Variants in TUBG2 observed in about 807,000 individuals in gnomAD.
The protein encoded by TUBG2 is tubulin gamma-2 chain.
TUBG2 carries 39 observed loss-of-function variants against 55.1 expected under a neutral mutation model. The ratio of observed to expected loss-of-function variants is 0.71; its 90% CI spans 0.55 to 0.93. The LOEUF (loss-of-function observed/expected upper bound fraction) is 0.93, where lower values mean the gene tolerates loss of function less well. Ranked by LOEUF, TUBG2 falls within the 40% of genes least tolerant of loss-of-function variation. The probability of loss-of-function intolerance (pLI) is 0.00; values close to 1 mark genes in which losing one functional copy is unlikely to be tolerated. For missense variants in TUBG2, 358 were observed against 599.1 expected, an observed-to-expected ratio of 0.60 and a Z score of 4.20; for synonymous variants, 223 against 241.0, an observed-to-expected ratio of 0.93 and a Z score of 0.69.
At position 42,666,913 on chromosome 17, in the gene TUBG2, C is replaced by A; in HGVS notation, c.*113C>A. 1 of 1,130,708 alleles carries A rather than the reference C, an allele frequency of 8.8e-7. No individual in the cohort carries two copies. The highest frequency in any genetic ancestry group is 1.3e-6 in the Non-Finnish European group (1 of 784,306). The allele number at this position is 1,130,708 out of a possible 1,614,324, so 70.0% of individuals were successfully genotyped here. On this transcript the variant is annotated 3_prime_UTR_variant, in exon 11 of 11. Transcript: ENST00000251412. The stretch of plus-strand genomic sequence containing the variant: ...ACAACCCTTCTTGGTTCATCTCCAG[C>A]CCGTGAGCTGGTCCTGCTTCCTCCC...
intron 4 of TUBG2, among the ~76,000 whole-genome samples, chr17:42,661,672 G>A (rs575834457): frequency 1.8e-4 from 28 of 152,356 alleles, no homozygotes; most frequent in South Asian, 1.0e-3. Context: ...CCTATGCGCC[G>A]GACCCTTCTA....
rs192796855 is a variant in TUBG2, at chr17:42,659,919, T to A, written c.135T>A (p.Thr45=). The A allele has an allele frequency of 7.3e-5, 118 of 1,612,008 alleles. No homozygotes were observed. The highest frequency in any genetic ancestry group is 3.7e-4 in the Admixed American group (22 of 59,878). ...TGGAGGAATTCGCCACCGAGGGCAC[T>A]GACCGCAAGGACGTCTTTTTCTACC... ...GIVEEFATEG[T]DRKDVFFYQA... The change falls in exon 2 of 11, where the codon ACT becomes ACA. Residue 45 remains threonine, a synonymous_variant. Transcript: ENST00000251412.
Position 42,659,473 on chromosome 17 carries a change from C to A in TUBG2, c.-31C>A, listed in dbSNP as rs1446478570. ...CGTCTCAGCCGTGACTCTCGCCAGG[C>A]CGGGGCTGGCGCGCCCACGTCTGAA... On this transcript the variant is annotated 5_prime_UTR_variant, in exon 1 of 11. Transcript: ENST00000251412. 3 of 1,543,122 alleles carry A rather than the reference C, an allele frequency of 1.9e-6. No individual in the cohort carries two copies. The highest frequency in any genetic ancestry group is 2.0e-5 in the Admixed American group (1 of 49,772).
At position 42,664,763 on chromosome 17, in the gene TUBG2, C is replaced by T. The variant is rs193014480; in HGVS notation, c.607-713C>T. ...AGTGTATGGCACATGTGGGTACTCA[C>T]GTGTTTGTTTACTGCCCTGCGTAGT... On this transcript the variant is annotated intron_variant, in intron 6 of 10. Coordinates refer to ENST00000251412, the MANE Select transcript of TUBG2 (RefSeq NM_016437.3). Among the ~76,000 whole-genome samples the T allele has an allele frequency of 1.2e-3, 181 of 151,602 alleles. 3 individuals carry two copies. Among genetic ancestry groups the T allele is most frequent in the Admixed American group, 0.012 (178 of 15,250 alleles).
intron 1 of TUBG2, 49 bp from the exon 2 acceptor site, chr17:42,659,785 C>T (rs1031875541): frequency 6.2e-7 from 1 of 1,610,816 alleles, no homozygotes; most frequent in Non-Finnish European, 8.5e-7. Context: ...AACTGGGCTC[C>T]TCAGGCCTTA....
Position 42,666,210 on chromosome 17 carries a change from A to G in TUBG2, c.967A>G (p.Ile323Val). 1 of 1,613,812 alleles carries G rather than the reference A, an allele frequency of 6.2e-7. No individual in the cohort carries two copies. Among genetic ancestry groups the G allele is most frequent in the Non-Finnish European group, 8.5e-7 (1 of 1,179,826 alleles). Residue 323 changes from isoleucine (I) to valine (V), a missense_variant, in exon 9 of 11, where the codon ATC (isoleucine) becomes GTC (valine). Physicochemically the swap from Ile to Val is conservative, Grantham distance 29. Around this residue, in one of 8 missense-constraint regions of TUBG2, gnomAD observed 129 missense variants for 251.6 expected, o/e 0.51. Transcript: ENST00000251412. ...TNHCYIAILN[I>V]IQGEVDPTQV... is the part of the protein sequence containing the mutation. ...CCACTGCTACATCGCCATCCTCAAC[A>G]TCATCCAGGGAGAGGTGGACCCCAC...
At position 42,665,746 on chromosome 17, in the gene TUBG2, C is replaced by G; in HGVS notation, c.762C>G (p.Ile254Met). The G allele has an allele frequency of 6.2e-7, 1 of 1,614,210 alleles. No individual in the cohort carries two copies. Among genetic ancestry groups the G allele is most frequent in the Non-Finnish European group, 8.5e-7 (1 of 1,180,028 alleles). ...RYPGYMNNDL[I>M]GLIASLIPTP... The stretch of plus-strand genomic sequence containing the variant: ...CCGGCTACATGAACAATGACCTCAT[C>G]GGCCTCATCGCCTCGCTCATTCCCA... Residue 254 changes from isoleucine to methionine, a missense_variant, in exon 8 of 11, where the codon ATC (isoleucine) becomes ATG (methionine). Physicochemically the swap from Ile to Met is conservative, Grantham distance 10. Coordinates refer to ENST00000251412, the MANE Select transcript of TUBG2 (RefSeq NM_016437.3).
chr17:42,664,339 A>G (rs73983740), intron 6 of TUBG2, among the ~76,000 whole-genome samples: 3,905 of 150,836 alleles, frequency 0.026, 158 homozygotes, highest in African/African-American at 0.084. Flanking sequence ...AGTCTCATTC[A>G]CCCCACCTTT....
At position 42,663,494 on chromosome 17, in the gene TUBG2, A is replaced by G. The variant is rs764850029; in HGVS notation, c.597A>G (p.Ala199=). 6.2e-7 allele frequency: 1 copy of G among 1,613,894 alleles called. No homozygotes were observed. Among genetic ancestry groups the G allele is most frequent in the African/African-American group, 1.3e-5 (1 of 74,920 alleles). The change falls in exon 6 of 11, where the codon GCA becomes GCG. Residue 199 remains alanine (A), a synonymous_variant. Transcript: ENST00000251412. Reference sequence around the variant, plus strand: ...CACTCAAGAGGCTGACGCAGAACGCAGATTGTGTGGTGAGCAAAGAAAGAG... The same window carrying G: ...CACTCAAGAGGCTGACGCAGAACGCGGATTGTGTGGTGAGCAAAGAAAGAG... The part of the protein sequence containing the change: ...LLTLKRLTQN[A]DCVVVLDNTA...
chr17:42,665,895 C>G (rs1418331433), intron 8 of TUBG2, 68 bp downstream of exon 8: 13 of 1,606,106 alleles, frequency 8.1e-6, no homozygotes, highest in Non-Finnish European at 1.1e-5. Context: ...CCCAGCCTTT[C>G]TCTCTTCCCC....
chr17:42,663,351 T>G (rs200790741), intron 5 of TUBG2, 26 bp from the exon 6 acceptor site: 1 of 1,613,812 alleles, frequency 6.2e-7, no homozygotes, highest in East Asian at 2.2e-5. Flanking sequence ...TCCGGTTCAC[T>G]ATGCCACCAT....
chr17:42,663,381 C>T lies in TUBG2; in HGVS notation c.484C>T (p.Pro162Ser), dbSNP rs766017492. The part of the protein sequence containing the change: ...YLLERLNDRY[P>S]KKLVQTYSVF... ...CACCATCCTCTTTTCTCTCAGGTACCCCAAGAAGCTAGTGCAGACTTATTC... is the reference window on the plus strand; with the variant it reads ...CACCATCCTCTTTTCTCTCAGGTACTCCAAGAAGCTAGTGCAGACTTATTC... The change falls in exon 6 of 11, where the codon CCC becomes TCC. Residue 162 changes from proline to serine, a missense_variant. This residue lies in a region of TUBG2 where 40 missense variants were observed against 40.4 expected (regional missense o/e 0.99). Coordinates refer to ENST00000251412, the MANE Select transcript of TUBG2 (RefSeq NM_016437.3). 6.8e-6 allele frequency: 11 copies of T among 1,613,950 alleles called. No individual in the cohort carries two copies. Among genetic ancestry groups the T allele is most frequent in the Admixed American group, 6.7e-5 (4 of 59,998 alleles).
In TUBG2 at chr17:42,665,465, T is replaced by TGAG; in HGVS notation, c.607-10_607-9insAGG. The TGAG allele has an allele frequency of 6.2e-7, 1 of 1,614,172 alleles. No individual in the cohort carries two copies. Among genetic ancestry groups the TGAG allele is most frequent in the Non-Finnish European group, 8.5e-7 (1 of 1,180,044 alleles). ...TCCTCAAGATGCTGTGATGCTCTTC[T>TGAG]GTCCCCCCAGGTGGTGCTGGACAAC... On this transcript the variant is annotated splice_polypyrimidine_tract_variant and intron_variant, in intron 6 of 10. Transcript: ENST00000251412.
At chr17:42,663,182 G>A in intron 5 of TUBG2, 130 bp downstream of exon 5, 1 of 1,269,220 alleles carries the variant, frequency 7.9e-7, no homozygotes, top group South Asian at 1.4e-5. Context: ...CAAGGACCAT[G>A]TTGGAAGCTA....
At chr17:42,661,516 A>G (rs1424260637) in intron 4 of TUBG2, 2 of 152,318 alleles carry the variant, frequency 1.3e-5, no homozygotes, top group African/African-American at 2.4e-5. Flanking sequence ...TAGAGCACCA[A>G]TTGCCAATGA....
At chr17:42,661,135 G>A in intron 4 of TUBG2, 1 of 174,762 alleles carries the variant, frequency 5.7e-6, no homozygotes, top group Non-Finnish European at 1.2e-5. Flanking sequence ...ATTTCCTAAG[G>A]GACTAGAGCA....
rs2052468576 is a variant in TUBG2, at chr17:42,664,493, C to A, written c.607-983C>A. On this transcript the variant is annotated intron_variant, in intron 6 of 10. Transcript: ENST00000251412. ...CAAAGTGAATATACCTTCCCCACAC[C>A]ACCACGTATCCCACCTTTGCCTACT... is the stretch of plus-strand genomic sequence containing the variant. 2.6e-5 allele frequency among the ~76,000 whole-genome samples: 4 copies of A among 152,170 alleles called. No individual in the cohort carries two copies. In the South Asian group the frequency reaches 8.3e-4, roughly 32 times the overall value.
rs1395358755 is a variant in TUBG2 at position 42,659,414 on chromosome 17, T to TC, written c.-86dup. On this transcript the variant is annotated 5_prime_UTR_variant, in exon 1 of 11. It removes the in-frame stop codon of an upstream open reading frame in the 5' UTR. Coordinates refer to ENST00000251412, the MANE Select transcript of TUBG2 (RefSeq NM_016437.3). Reference sequence around the variant, plus strand: ...GTCAAGAGGCGAAGAGAGCGCGCGCTCCCCACGTCCTGCGCTCCTGGCTGC... The same window carrying TC: ...GTCAAGAGGCGAAGAGAGCGCGCGCTCCCCCACGTCCTGCGCTCCTGGCTGC... 94 of 1,365,202 alleles carry TC rather than the reference T, an allele frequency of 6.9e-5. No individual in the cohort carries two copies. Among genetic ancestry groups the TC allele is most frequent in the Non-Finnish European group, 8.9e-5 (90 of 1,010,588 alleles). The allele number at this position is 1,365,202 out of a possible 1,614,324, so 84.6% of individuals were successfully genotyped here.
At chr17:42,661,903 G>A (rs2052395164) in intron 4 of TUBG2, among the ~76,000 whole-genome samples, 2 of 152,184 alleles carry the variant, frequency 1.3e-5, no homozygotes, top group Admixed American at 6.5e-5. Context: ...ATTGGAAGTG[G>A]GAGAGTCTTG....
Sources: gnomAD v4.1 joint callset for allele counts (sites outside exome capture counted in the v4.1 genomes callset) on GRCh38, gnomAD v4.1.1 for gene constraint, gnomAD v4.1.1 regional missense constraint, MANE v1.5 for transcripts, NCBI Gene and HGNC (gene_info 2026-07-23, HGNC 2026-07-21) for gene names.